The following CLIP2 variants were observed in gnomAD, a reference collection of about 807,000 sequenced individuals.
CLIP2 encodes CAP-Gly domain containing linker protein 2.
In CLIP2, 41 loss-of-function variants were observed where a neutral mutation model predicts 111.7. The observed-to-expected ratio is 0.37, with a 90% confidence interval of 0.29 to 0.48. CLIP2 has a LOEUF of 0.48. Among genes scored for constraint, CLIP2 ranks in the 20% least tolerant of loss-of-function variants. The pLI is 0.99. For missense variants in CLIP2, 1,160 were observed against 1,422.1 expected (o/e 0.82, Z 2.96); for synonymous variants, 660 against 644.2 (o/e 1.02, Z -0.37).
intron 1 of CLIP2, among the ~76,000 whole-genome samples, chr7:74,291,509 G>A (rs1788018287): frequency 6.6e-6 from 1 of 152,138 alleles, no homozygotes; most frequent in Non-Finnish European, 1.5e-5. Flanking sequence ...ATCTCTCTCT[G>A]CCTCGACATC....
intron 1 of CLIP2, among the ~76,000 whole-genome samples, chr7:74,303,038 G>A (rs1788381758): frequency 6.6e-6 from 1 of 152,234 alleles, no homozygotes; most frequent in South Asian, 2.1e-4. Flanking sequence ...TATGGGTGGA[G>A]ACAGCAGTAC....
chr7:74,302,435 G>A (rs544516609), intron 1 of CLIP2, among the ~76,000 whole-genome samples: 2 of 152,128 alleles, frequency 1.3e-5, no homozygotes, highest in Admixed American at 1.3e-4. Flanking sequence ...GGCTGGTCTC[G>A]AACTCCTGAC....
chr7:74,310,881 G>C (rs578204262), intron 1 of CLIP2, among the ~76,000 whole-genome samples: 3 of 151,652 alleles, frequency 2.0e-5, no homozygotes, highest in African/African-American at 7.3e-5. Flanking sequence ...CCTGCTAATT[G>C]TTTTTGGATT....
intron 8 of CLIP2, among the ~76,000 whole-genome samples, chr7:74,372,600 G>T (rs1370650101): frequency 1.3e-5 from 2 of 151,842 alleles, no homozygotes; most frequent in East Asian, 1.9e-4. Context: ...GGTTGGGGGG[G>T]ACAGAAAAGC....
chr7:74,299,720 C>T (rs576045015), intron 1 of CLIP2, among the ~76,000 whole-genome samples: 19 of 151,092 alleles, frequency 1.3e-4, no homozygotes, highest in Non-Finnish European at 1.8e-4. Flanking sequence ...TTTTTTGAGA[C>T]GGAGTTTCGC....
At chr7:74,381,809 C>T (rs1323396891) in intron 11 of CLIP2, among the ~76,000 whole-genome samples, 4 of 152,186 alleles carry the variant, frequency 2.6e-5, no homozygotes, top group Non-Finnish European at 5.9e-5. Flanking sequence ...TTTCCGATAA[C>T]AATCACAGAT....
intron 1 of CLIP2, among the ~76,000 whole-genome samples, chr7:74,290,512 G>A (rs1564019467): frequency 6.6e-6 from 1 of 152,234 alleles, no homozygotes; most frequent in Non-Finnish European, 1.5e-5. Context: ...GCACTGCCAC[G>A]CAGGCCCCAG....
chr7:74,370,153 C>CT (rs1790572362), intron 8 of CLIP2, among the ~76,000 whole-genome samples: 1 of 31,860 alleles, frequency 3.1e-5, no homozygotes, highest in African/African-American at 8.3e-5. Context: ...GAGACTCTGC[C>CT]TCAAAAAAAA....
rs782404529 is a variant in CLIP2, at chr7:74,376,633, C to T, written c.2232C>T (p.Gly744=). ...AAAAACTGGACGTGGAGTACCGGGG[C>T]CAGGCGCAGGCTATCGAGTTCCTCA... ...ELEKLDVEYR[G]QAQAIEFLKE... is the part of the protein sequence containing the mutation. Residue 744 remains glycine (G), a synonymous_variant, in exon 10 of 17, where the codon GGC becomes GGT. Transcript: ENST00000223398. This position sits in a 1 kb window ranked among gnomAD's most constrained non-coding sequence, Gnocchi z 7.1. 1.2e-6 allele frequency: 2 copies of T among 1,613,340 alleles called. No homozygotes were observed. The highest frequency in any genetic ancestry group is 1.7e-5 in the Admixed American group (1 of 59,968).
intron 3 of CLIP2, among the ~76,000 whole-genome samples, chr7:74,342,386 CA>C (rs3841503): frequency 0.62 from 91,372 of 148,232 alleles, 29,901 homozygotes; most frequent in Middle Eastern, 0.75. Context: ...AAAAAAAAAA[CA>C]AAAAAAAAGA....
chr7:74,381,547 A>T, intron 11 of CLIP2: 1 of 452,596 alleles, frequency 2.2e-6, no homozygotes, highest in South Asian at 1.6e-5. Context: ...TGGCAAACTA[A>T]CTCTTCACTG....
At chr7:74,310,175 C>T (rs1564030393) in intron 1 of CLIP2, among the ~76,000 whole-genome samples, 1 of 149,710 alleles carries the variant, frequency 6.7e-6, no homozygotes, top group Non-Finnish European at 1.5e-5. Flanking sequence ...CTGCAGTGAG[C>T]CATGATCATG....
chr7:74,355,645 G>C (rs1379062909), intron 4 of CLIP2, among the ~76,000 whole-genome samples: 1 of 152,160 alleles, frequency 6.6e-6, no homozygotes, highest in Non-Finnish European at 1.5e-5. Flanking sequence ...CCCAGTTCTC[G>C]TGGTCCAGTG....
chr7:74,360,125 C>T (rs781829765), intron 6 of CLIP2, 50 bp from the exon 7 acceptor site: 1 of 1,477,370 alleles, frequency 6.8e-7, no homozygotes, highest in Admixed American at 2.0e-5. Flanking sequence ...AACCTGGACC[C>T]CATACCCCGG....
At chr7:74,390,760 G>A (rs1791273415) in intron 13 of CLIP2, among the ~76,000 whole-genome samples, 1 of 135,392 alleles carries the variant, frequency 7.4e-6, no homozygotes, top group Non-Finnish European at 1.6e-5. Flanking sequence ...GGGGGGGTGG[G>A]TGGGGGACTG....
chr7:74,327,124 A>G (rs782475968), intron 2 of CLIP2, among the ~76,000 whole-genome samples: 3 of 152,006 alleles, frequency 2.0e-5, no homozygotes, highest in Non-Finnish European at 4.4e-5. Context: ...GTTTTTTGAG[A>G]GAGAGTCTCG....
chr7:74,373,632 C>T (rs1790700950), intron 9 of CLIP2, among the ~76,000 whole-genome samples: 1 of 152,088 alleles, frequency 6.6e-6, no homozygotes, highest in African/African-American at 2.4e-5. Context: ...CTGAGAACGT[C>T]CTGTGAGACC....
At position 74,357,378 on chromosome 7, in the gene CLIP2, G is replaced by A; in HGVS notation, c.1116G>A (p.Leu372=). Reference sequence around the variant, plus strand: ...AGCAGCAGCACATTGAGCAGCTGCTGGCTGAACGAGACCTGGAACGGGCTG... The same window carrying A: ...AGCAGCAGCACATTGAGCAGCTGCTAGCTGAACGAGACCTGGAACGGGCTG... The part of the protein sequence containing the change: ...KEKQQHIEQL[L]AERDLERAEV... Residue 372 remains leucine (L), a synonymous_variant, in exon 6 of 17, where the codon CTG becomes CTA. Transcript: ENST00000223398. 1 of 1,614,090 alleles carries A rather than the reference G, an allele frequency of 6.2e-7. No individual in the cohort carries two copies. The highest frequency in any genetic ancestry group is 8.5e-7 in the Non-Finnish European group (1 of 1,179,988).
At chr7:74,402,203 A>C (rs1457862969) in intron 16 of CLIP2, among the ~76,000 whole-genome samples, 1 of 151,780 alleles carries the variant, frequency 6.6e-6, no homozygotes, top group Non-Finnish European at 1.5e-5. Context: ...GGTGGCGGGC[A>C]CCTGTAGTTC....
Sources: gnomAD v4.1 joint callset for allele counts (sites outside exome capture counted in the v4.1 genomes callset) on GRCh38, gnomAD v4.1.1 for gene constraint, Gnocchi (gnomAD v3.1) non-coding constraint, MANE v1.5 for transcripts, NCBI Gene and HGNC (gene_info 2026-07-23, HGNC 2026-07-21) for gene names.